Variants in ACYP2 observed in about 807,000 individuals in gnomAD.
ACYP2 encodes the protein acylphosphatase-2.
Under a neutral mutation model 11.2 loss-of-function variants are expected in ACYP2, and 12 were observed. That is an observed-to-expected ratio of 1.08 (90% CI 0.69 to 1.74). The LOEUF is 1.74. Among genes scored for constraint, ACYP2 ranks in the 40% most tolerant of loss-of-function variants. ACYP2 has a pLI of 0.00. For missense variants in ACYP2, 134 were observed against 101.9 expected (o/e 1.31, Z -1.35); for synonymous variants, 43 against 32.2 (o/e 1.33, Z -1.13).
chr2:54,030,715 C>T, intron 2 of ACYP2: 1 of 169,102 alleles, frequency 5.9e-6, no homozygotes. Flanking sequence ...GCGGTTCCAG[C>T]TGAAAGGCCA....
At chr2:54,119,106 C>T (rs549505090) in intron 4 of ACYP2, among the ~76,000 whole-genome samples, 25 of 130,604 alleles carry the variant, frequency 1.9e-4, no homozygotes, top group South Asian at 7.2e-4. Flanking sequence ...TTATGTCACC[C>T]GGGCAAGATC....
At chr2:54,098,729 T>G (rs1678729095) in intron 4 of ACYP2, among the ~76,000 whole-genome samples, 1 of 28,392 alleles carries the variant, frequency 3.5e-5, no homozygotes, top group Non-Finnish European at 6.7e-5. Context: ...AATGTCCCTT[T>G]TTTTTTTTTT....
chr2:54,084,213 A>T (rs980847054), intron 4 of ACYP2, among the ~76,000 whole-genome samples: 6 of 152,224 alleles, frequency 3.9e-5, no homozygotes, highest in Non-Finnish European at 7.3e-5. Context: ...AATTCTTCAA[A>T]GCCTAGAGAA....
intron 4 of ACYP2, among the ~76,000 whole-genome samples, chr2:54,100,471 TAA>T (rs558669842): frequency 3.1e-4 from 47 of 151,736 alleles, no homozygotes; most frequent in Admixed American, 2.9e-3. Context: ...CCTGGCTAAT[TAA>T]AAAAAGATTT....
intron 4 of ACYP2, among the ~76,000 whole-genome samples, chr2:54,089,399 T>G: frequency 6.6e-6 from 1 of 151,886 alleles, no homozygotes; most frequent in South Asian, 2.1e-4. Flanking sequence ...AGTTCAGATA[T>G]ATATATATAT....
At chr2:54,091,363 A>G (rs933971951) in intron 4 of ACYP2, among the ~76,000 whole-genome samples, 2 of 152,198 alleles carry the variant, frequency 1.3e-5, no homozygotes, top group Non-Finnish European at 2.9e-5. Flanking sequence ...AAAATGTTGC[A>G]GCATAAGCAT....
intron 2 of ACYP2, among the ~76,000 whole-genome samples, chr2:54,030,125 C>CA (rs1027913400): frequency 5.3e-5 from 8 of 152,016 alleles, no homozygotes; most frequent in African/African-American, 1.9e-4. Context: ...AGGTCGGAGG[C>CA]AAAAAAATGC....
At chr2:54,067,109 T>C (rs886584452) in intron 4 of ACYP2, among the ~76,000 whole-genome samples, 2 of 152,240 alleles carry the variant, frequency 1.3e-5, no homozygotes, top group Non-Finnish European at 2.9e-5. Context: ...AGAAATTATT[T>C]ATAAGCTGTA....
chr2:54,032,999 A>G (rs1157533631), intron 2 of ACYP2, among the ~76,000 whole-genome samples: 5 of 152,186 alleles, frequency 3.3e-5, no homozygotes, highest in Non-Finnish European at 5.9e-5. Context: ...TACAAAAACT[A>G]TTGACAAAAA....
At chr2:54,099,450 C>G (rs1014347060) in intron 4 of ACYP2, among the ~76,000 whole-genome samples, 1 of 152,190 alleles carries the variant, frequency 6.6e-6, no homozygotes, top group African/African-American at 2.4e-5. Flanking sequence ...CTCCCACCCC[C>G]AGACCCTGGT....
intron 6 of ACYP2, among the ~76,000 whole-genome samples, chr2:54,210,740 T>TC (rs1685299520): frequency 1.3e-5 from 2 of 151,918 alleles, no homozygotes; most frequent in Admixed American, 6.6e-5. Flanking sequence ...TCTTTTTTTT[T>TC]CAGTAAAACT....
chr2:54,195,498 T>C (rs1041647948), intron 6 of ACYP2, among the ~76,000 whole-genome samples: 1 of 152,120 alleles, frequency 6.6e-6, no homozygotes. Flanking sequence ...AGATACACAG[T>C]TCATGGCTCG....
chr2:54,169,489 A>G (rs1683139534), intron 6 of ACYP2, among the ~76,000 whole-genome samples: 1 of 152,040 alleles, frequency 6.6e-6, no homozygotes, highest in Admixed American at 6.6e-5. Context: ...AGGTCTTGCT[A>G]TGTTGGCCAT....
chr2:54,017,644 A>T (rs1420227715), intron 2 of ACYP2, among the ~76,000 whole-genome samples: 2 of 152,182 alleles, frequency 1.3e-5, no homozygotes, highest in African/African-American at 4.8e-5. Flanking sequence ...TATTGCATTC[A>T]ATCTTATAGA....
intron 4 of ACYP2, among the ~76,000 whole-genome samples, chr2:54,069,323 C>A (rs1378504378): frequency 1.3e-5 from 2 of 151,886 alleles, no homozygotes; most frequent in Non-Finnish European, 2.9e-5. Flanking sequence ...TTTCTCACCC[C>A]CTACTTTCCC....
intron 6 of ACYP2, among the ~76,000 whole-genome samples, chr2:54,220,968 T>C (rs1475450125): frequency 6.6e-6 from 1 of 152,236 alleles, no homozygotes; most frequent in Non-Finnish European, 1.5e-5. Flanking sequence ...CCTATCCCAC[T>C]GATGTTGGGT....
At chr2:54,206,223 C>A (rs1280926202) in intron 6 of ACYP2, among the ~76,000 whole-genome samples, 1 of 152,130 alleles carries the variant, frequency 6.6e-6, no homozygotes, top group Non-Finnish European at 1.5e-5. Flanking sequence ...AAGTTTGGGG[C>A]CTTGGGCTCA....
intron 6 of ACYP2, among the ~76,000 whole-genome samples, chr2:54,174,493 T>C (rs1365505184): frequency 6.6e-6 from 1 of 152,178 alleles, no homozygotes; most frequent in Non-Finnish European, 1.5e-5. Flanking sequence ...GACTTCCTCT[T>C]TTCCTAATTG....
intron 6 of ACYP2, among the ~76,000 whole-genome samples, chr2:54,195,794 G>GTTTTTTGTTTTTT (rs1684445469): frequency 1.2e-5 from 1 of 83,134 alleles, no homozygotes; most frequent in African/African-American, 5.0e-5. Flanking sequence ...TTTGTTGTGG[G>GTTTTTTGTTTTTT]TTTTTTTTTT....
Sources: allele counts gnomAD v4.1 joint callset (sites outside exome capture counted in the v4.1 genomes callset), GRCh38; gene constraint gnomAD v4.1.1; transcripts MANE v1.5; gene names NCBI Gene and HGNC (gene_info 2026-07-23, HGNC 2026-07-21).